The following PPM1L variants were observed in gnomAD, a reference collection of about 807,000 sequenced individuals.
PPM1L encodes protein phosphatase 1L.
Under a neutral mutation model 31.4 loss-of-function variants are expected in PPM1L, and 13 were observed. The ratio of observed to expected loss-of-function variants is 0.41; its 90% CI spans 0.27 to 0.66. The LOEUF (loss-of-function observed/expected upper bound fraction) is 0.66, where lower values mean the gene tolerates loss of function less well. PPM1L is among the 30% of genes least tolerant of loss of function. The pLI, the probability that PPM1L is intolerant of heterozygous loss-of-function variation, is 0.29. For missense variants in PPM1L, 326 were observed against 453.7 expected, an observed-to-expected ratio of 0.72 and a Z score of 2.56; for synonymous variants, 184 against 175.4, an observed-to-expected ratio of 1.05 and a Z score of -0.39.
intron 2 of PPM1L, among the ~76,000 whole-genome samples, chr3:161,061,650 A>G (rs141250311): frequency 6.6e-6 from 1 of 152,340 alleles, no homozygotes; most frequent in East Asian, 1.9e-4. Context: ...ATTATAAGTA[A>G]TCTAGAGATG....
intron 1 of PPM1L, among the ~76,000 whole-genome samples, chr3:160,917,837 G>A (rs895079505): frequency 4.6e-5 from 7 of 152,076 alleles, no homozygotes; most frequent in African/African-American, 1.4e-4. Flanking sequence ...ACAATGTGAT[G>A]GCCCATGAGT....
chr3:160,835,070 C>CTTCTTT (rs1560120552), intron 1 of PPM1L, among the ~76,000 whole-genome samples: 55 of 147,992 alleles, frequency 3.7e-4, no homozygotes, highest in African/African-American at 1.3e-3. Context: ...TCTTCTTCTT[C>CTTCTTT]TTCTTCTTCT....
chr3:160,948,896 C>T lies in PPM1L; in HGVS notation c.400-12840C>T, dbSNP rs1206595355. Among the ~76,000 whole-genome samples the T allele has an allele frequency of 3.9e-5, 6 of 152,052 alleles. No individual in the cohort carries two copies. The South Asian group carries it at 1.2e-3, about 32-fold the overall frequency. ...TTTGTTACAAAGCTTTGTAAAAATACACATGTCTAGACCTTAGAAAATCAG... is the reference window on the plus strand; with the variant it reads ...TTTGTTACAAAGCTTTGTAAAAATATACATGTCTAGACCTTAGAAAATCAG... On this transcript the variant is annotated intron_variant, in intron 1 of 3. Coordinates refer to ENST00000498165, the MANE Select transcript of PPM1L (RefSeq NM_139245.4).
chr3:160,757,945 A>G (rs1478573272), intron 1 of PPM1L, among the ~76,000 whole-genome samples: 1 of 152,138 alleles, frequency 6.6e-6, no homozygotes, highest in African/African-American at 2.4e-5. Flanking sequence ...TTTCAACTGG[A>G]TATCTTATCC....
At chr3:160,929,513 A>G (rs1054688895) in intron 1 of PPM1L, among the ~76,000 whole-genome samples, 3 of 152,198 alleles carry the variant, frequency 2.0e-5, no homozygotes, top group Admixed American at 1.3e-4. Flanking sequence ...GGGGCAGGAA[A>G]GTGCTTACTT....
At chr3:160,843,080 A>G (rs1006445176) in intron 1 of PPM1L, among the ~76,000 whole-genome samples, 2 of 151,944 alleles carry the variant, frequency 1.3e-5, no homozygotes, top group Non-Finnish European at 2.9e-5. Context: ...TCCAAATCTA[A>G]TTCTTTTTTT....
intron 2 of PPM1L, among the ~76,000 whole-genome samples, chr3:160,983,650 G>T (rs112053453): frequency 7.0e-4 from 106 of 152,268 alleles, no homozygotes; most frequent in African/African-American, 2.3e-3. Context: ...GTTGTATTCT[G>T]TGGGTTGGCG....
chr3:160,756,479 G>C lies in PPM1L; in HGVS notation c.171G>C (p.Lys57Asn), dbSNP rs202235612. ...TGAAGTCCAGCCGGGACGCCGTGAA[G>C]ATGGTGAAGGGCAAGGTAGCCGAGA... ...TIVKSSRDAV[K>N]MVKGKVAEIM... is the part of the protein sequence containing the mutation. Residue 57 changes from lysine (K) to asparagine (N), a missense_variant, in exon 1 of 4, where the codon AAG becomes AAC. By Grantham distance (94) the Lys-to-Asn change is moderately conservative. This residue lies in a region of PPM1L where 42 missense variants were observed against 76.1 expected (regional missense o/e 0.55). Coordinates refer to ENST00000498165, the MANE Select transcript of PPM1L (RefSeq NM_139245.4). The surrounding 1 kb of genome is among the most constrained non-coding windows in gnomAD (Gnocchi z 6.2). The C allele has an allele frequency of 6.2e-7, 1 of 1,614,198 alleles. No homozygotes were observed. The highest frequency in any genetic ancestry group is 8.5e-7 in the Non-Finnish European group (1 of 1,180,036).
intron 1 of PPM1L, among the ~76,000 whole-genome samples, chr3:160,758,033 A>G (rs1714859421): frequency 2.0e-5 from 3 of 152,242 alleles, no homozygotes; most frequent in Admixed American, 2.0e-4. Flanking sequence ...TTTGCCAAGA[A>G]TGACAAACTT....
At chr3:160,800,048 T>C (rs60834651) in intron 1 of PPM1L, among the ~76,000 whole-genome samples, 3,959 of 152,294 alleles carry the variant, frequency 0.026, 174 homozygotes, top group African/African-American at 0.087. Context: ...AATAAAGGAA[T>C]AGTATTTTTT....
chr3:160,903,169 G>A (rs1713607129), intron 1 of PPM1L, among the ~76,000 whole-genome samples: 1 of 137,024 alleles, frequency 7.3e-6, no homozygotes. Context: ...GCAATAGTGT[G>A]TGTGTGTGTG....
intron 3 of PPM1L, among the ~76,000 whole-genome samples, chr3:161,066,456 A>G (rs752790974): frequency 2.6e-5 from 4 of 152,254 alleles, no homozygotes; most frequent in African/African-American, 4.8e-5. Context: ...GACATGAAGC[A>G]GGTAAGGGGA....
chr3:161,059,323 C>G (rs1200565100), intron 2 of PPM1L, among the ~76,000 whole-genome samples: 2 of 152,126 alleles, frequency 1.3e-5, no homozygotes, highest in Non-Finnish European at 2.9e-5. Context: ...AAGTTCTCTC[C>G]ACCTACCAGG....
chr3:160,762,850 A>G (rs760330121), intron 1 of PPM1L, among the ~76,000 whole-genome samples: 4 of 152,222 alleles, frequency 2.6e-5, no homozygotes, highest in African/African-American at 7.2e-5. Flanking sequence ...TAATCATTCT[A>G]GAAGCTCATT....
intron 2 of PPM1L, among the ~76,000 whole-genome samples, chr3:161,056,342 G>A (rs1719412380): frequency 6.6e-6 from 1 of 152,092 alleles, no homozygotes; most frequent in East Asian, 1.9e-4. Flanking sequence ...ATTCCTCTGA[G>A]TCCTTTTCCA....
intron 2 of PPM1L, among the ~76,000 whole-genome samples, chr3:161,020,910 G>A (rs1416791518): frequency 2.6e-5 from 4 of 151,886 alleles, no homozygotes; most frequent in Admixed American, 2.0e-4. Flanking sequence ...TGGTAATGAT[G>A]TCCCTTCCTG....
chr3:161,058,118 C>CTTTTTTTTTTTTTTTTTTGT (rs1719466517), intron 2 of PPM1L, among the ~76,000 whole-genome samples: 1 of 54,926 alleles, frequency 1.8e-5, no homozygotes, highest in Non-Finnish European at 3.5e-5. Flanking sequence ...ATTTTCTTTC[C>CTTTTTTTTTTTTTTTTTTGT]TTTTTTTTTT....
At chr3:160,874,193 A>G (rs187736555) in intron 1 of PPM1L, among the ~76,000 whole-genome samples, 2 of 149,218 alleles carry the variant, frequency 1.3e-5, no homozygotes, top group Non-Finnish European at 2.9e-5. Flanking sequence ...ACTATTACTC[A>G]CCCAGAACTT....
intron 1 of PPM1L, among the ~76,000 whole-genome samples, chr3:160,936,941 G>C (rs1479469133): frequency 2.0e-5 from 3 of 152,102 alleles, no homozygotes; most frequent in Non-Finnish European, 4.4e-5. Context: ...TTTTGTTCAG[G>C]CTGAGCGGGT....
Sources: gnomAD v4.1 joint callset for allele counts (sites outside exome capture counted in the v4.1 genomes callset) on GRCh38, gnomAD v4.1.1 for gene constraint, gnomAD v4.1.1 regional missense constraint, Gnocchi (gnomAD v3.1) non-coding constraint, MANE v1.5 for transcripts, NCBI Gene and HGNC (gene_info 2026-07-23, HGNC 2026-07-21) for gene names.